The following BST1 variants were observed in gnomAD, a reference collection of about 807,000 sequenced individuals.
BST1 encodes the protein ADP-ribosyl cyclase/cyclic ADP-ribose hydrolase 2.
In BST1, 49 loss-of-function variants were observed where a neutral mutation model predicts 40.6. The ratio of observed to expected loss-of-function variants is 1.21; its 90% CI spans 0.96 to 1.53. The LOEUF is 1.53. Ranked by LOEUF, BST1 falls within the 40% of genes most tolerant of loss-of-function variation. The pLI, the probability that BST1 is intolerant of heterozygous loss-of-function variation, is 0.00. For synonymous variants in BST1, 157 were observed against 159.3 expected (o/e 0.99, Z 0.11); for missense variants, 423 against 395.9 (o/e 1.07, Z -0.58).
chr4:15,719,007 A>AT lies in BST1; in HGVS notation c.791+15dup. 6.2e-7 allele frequency: 1 copy of AT among 1,609,266 alleles called. No homozygotes were observed. The highest frequency in any genetic ancestry group is 1.1e-5 in the South Asian group (1 of 90,650). On this transcript the variant is annotated intron_variant, in intron 7 of 8. Coordinates refer to ENST00000265016, the MANE Select transcript of BST1 (RefSeq NM_004334.3). Reference sequence around the variant, plus strand: ...TAATGATTACCGGTAGGTGGCCTATATATCAATGTGCTCTTGTAGAGGTGG... The same window carrying AT: ...TAATGATTACCGGTAGGTGGCCTATATTATCAATGTGCTCTTGTAGAGGTGG...
chr4:15,729,280 C>T (rs28694678), intron 8 of BST1, among the ~76,000 whole-genome samples: 4,278 of 152,120 alleles, frequency 0.028, 198 homozygotes, highest in African/African-American at 0.098. Context: ...GGCGAGACCC[C>T]GCCTCTACAA....
At chr4:15,724,759 A>G (rs1360670850) in intron 8 of BST1, among the ~76,000 whole-genome samples, 1 of 152,180 alleles carries the variant, frequency 6.6e-6, no homozygotes, top group Non-Finnish European at 1.5e-5. Context: ...CTGGCTTGTC[A>G]TCCCCATATA....
chr4:15,705,392 TA>T, intron 1 of BST1, 122 bp from the exon 2 acceptor site: 1 of 1,158,630 alleles, frequency 8.6e-7, no homozygotes, highest in Non-Finnish European at 1.2e-6. Flanking sequence ...GTCTTTTTTG[TA>T]AGCCTACTTC....
the BST1 span, among the ~76,000 whole-genome samples, chr4:15,754,412 C>T: frequency 6.6e-6 from 1 of 152,178 alleles, no homozygotes; most frequent in Non-Finnish European, 1.5e-5. Context: ...GAAGCATGCA[C>T]ATGTCTAAGA....
intron 1 of BST1, 24 bp downstream of exon 1, chr4:15,703,356 G>A (rs1719653426): frequency 1.3e-6 from 2 of 1,492,434 alleles, no homozygotes; most frequent in South Asian, 2.5e-5. Flanking sequence ...CCGGGTGGAA[G>A]GGGAGCCGGA....
chr4:15,761,649 C>T, the BST1 span, among the ~76,000 whole-genome samples: 1 of 152,024 alleles, frequency 6.6e-6, no homozygotes, highest in South Asian at 2.1e-4. Flanking sequence ...CATTTCTGTG[C>T]TTGAGCTTGC....
At chr4:15,730,370 C>A (rs1721309947) in intron 8 of BST1, among the ~76,000 whole-genome samples, 2 of 152,212 alleles carry the variant, frequency 1.3e-5, no homozygotes, top group Non-Finnish European at 1.5e-5. Context: ...TTTGGGCAGG[C>A]CCTCTGTTGA....
chr4:15,768,480 C>CTTTTTT, the BST1 span, among the ~76,000 whole-genome samples: 16 of 91,084 alleles, frequency 1.8e-4, no homozygotes, highest in Non-Finnish European at 2.2e-4. Context: ...TGGACAGTAT[C>CTTTTTT]TTTTTTTTTT....
intron 6 of BST1, among the ~76,000 whole-genome samples, chr4:15,718,268 T>TGC (rs761530998): frequency 6.6e-6 from 1 of 151,594 alleles, no homozygotes; most frequent in East Asian, 1.9e-4. Flanking sequence ...TGTGTGTGTG[T>TGC]GTCTGTGTAT....
chr4:15,759,568 CT>C, the BST1 span, among the ~76,000 whole-genome samples: 4 of 151,640 alleles, frequency 2.6e-5, no homozygotes, highest in South Asian at 2.1e-4. Context: ...CTTCCTCCTC[CT>C]GTTTTTCTCA....
At chr4:15,757,885 G>A in the BST1 span, among the ~76,000 whole-genome samples, 9 of 152,048 alleles carry the variant, frequency 5.9e-5, no homozygotes, top group South Asian at 6.3e-4. Flanking sequence ...CAGGTGATCC[G>A]CCCTCCTCGG....
At chr4:15,723,733 G>T (rs1720951573) in intron 8 of BST1, 2 of 626,052 alleles carry the variant, frequency 3.2e-6, no homozygotes, top group African/African-American at 4.0e-5. Flanking sequence ...AAGAATGTGT[G>T]TGTATTTTAA....
intron 6 of BST1, among the ~76,000 whole-genome samples, chr4:15,716,348 T>A (rs1166111235): frequency 6.6e-6 from 1 of 152,174 alleles, no homozygotes; most frequent in African/African-American, 2.4e-5. Context: ...AAACTCAAGA[T>A]AAAAAAGTTA....
chr4:15,719,151 G>A (rs1253242889), intron 7 of BST1, among the ~76,000 whole-genome samples, 158 bp downstream of exon 7: 1 of 152,096 alleles, frequency 6.6e-6, no homozygotes. Context: ...TCTGGCCTGA[G>A]TTTGGCCAGG....
chr4:15,712,207 A>G (rs889467315), intron 4 of BST1, among the ~76,000 whole-genome samples: 1 of 152,236 alleles, frequency 6.6e-6, no homozygotes, highest in Non-Finnish European at 1.5e-5. Flanking sequence ...TGATTGCTAC[A>G]TAAAATGGGG....
At position 15,715,602 on chromosome 4, in the gene BST1, C is replaced by T. The variant is rs767458328; in HGVS notation, c.612-105C>T. ...AAAAATAAAAGCTAAAGAAGAAAAA[C>T]TTCTAAAAGCTCTTTATTTTTTTTT... On this transcript the variant is annotated intron_variant, in intron 5 of 8. Transcript: ENST00000265016. 339 of 928,338 alleles carry T rather than the reference C, an allele frequency of 3.7e-4. 2 individuals are homozygous for T. Among genetic ancestry groups the T allele is most frequent in the South Asian group, 2.4e-4 (12 of 50,852 alleles). The allele number at this position is 928,338 out of a possible 1,614,324, so 57.5% of individuals were successfully genotyped here. A position where few individuals can be genotyped will look rare whatever the true frequency, so the allele number is the denominator to read the frequency against.
intron 6 of BST1, among the ~76,000 whole-genome samples, chr4:15,716,011 T>A (rs1720496487): frequency 6.6e-6 from 1 of 152,204 alleles, no homozygotes; most frequent in Non-Finnish European, 1.5e-5. Flanking sequence ...ATCTGGGATA[T>A]TCTTCTCAGC....
the BST1 span, among the ~76,000 whole-genome samples, chr4:15,759,931 A>G: frequency 1.3e-5 from 2 of 152,008 alleles, no homozygotes; most frequent in East Asian, 3.8e-4. Flanking sequence ...TTTGTTTAAC[A>G]TCTTTTTTTG....
At chr4:15,750,436 CCCTT>C in the BST1 span, among the ~76,000 whole-genome samples, 28 of 152,216 alleles carry the variant, frequency 1.8e-4, no homozygotes, top group African/African-American at 6.8e-4. Flanking sequence ...TCATTCCCAT[CCCTT>C]CAGGTGGAAG....
Sources: allele counts gnomAD v4.1 joint callset (sites outside exome capture counted in the v4.1 genomes callset), GRCh38; gene constraint gnomAD v4.1.1; transcripts MANE v1.5; gene names NCBI Gene and HGNC (gene_info 2026-07-23, HGNC 2026-07-21).